PRELID2: variants seen among roughly 807,000 people sequenced by gnomAD.
PRELID2 encodes PRELI domain containing 2.
PRELID2 carries 25 observed loss-of-function variants against 28.4 expected under a neutral mutation model. That is an observed-to-expected ratio of 0.88 (90% CI 0.64 to 1.23). The LOEUF (loss-of-function observed/expected upper bound fraction) is 1.23, where lower values mean the gene tolerates loss of function less well. Among genes scored for constraint, PRELID2 ranks in the 50% most tolerant of loss-of-function variants. PRELID2 has a pLI of 0.00. For missense variants in PRELID2, 201 were observed against 214.4 expected (o/e 0.94, Z 0.39); for synonymous variants, 76 against 71.6 (o/e 1.06, Z -0.31).
intron 1 of PRELID2, among the ~76,000 whole-genome samples, chr5:145,577,284 T>C (rs1418390071): frequency 6.6e-6 from 1 of 152,108 alleles, no homozygotes; most frequent in African/African-American, 2.4e-5. Flanking sequence ...ATGAACTACC[T>C]AGCAAATAAT....
rs1029182832 is a variant in PRELID2 at position 145,615,451 on chromosome 5, C to T, written n.71-142136G>A. On this transcript the variant is annotated intron_variant and non_coding_transcript_variant, in intron 1 of 2. Transcript: ENST00000510259. ...ACGCCATTCTCCTGCCTCAGCCTCC[C>T]GAGTAGCTGGGACTACAGGTGCCCG... 3.2e-4 allele frequency among the ~76,000 whole-genome samples: 45 copies of T among 142,042 alleles called. 5 individuals carry two copies. Among genetic ancestry groups the T allele is most frequent in the Non-Finnish European group, 5.1e-4 (34 of 66,956 alleles). 93.2% of individuals were successfully genotyped at this position (142,042 alleles called of 152,430 possible).
At chr5:145,591,295 CA>C (rs879536286) in intron 1 of PRELID2, among the ~76,000 whole-genome samples, 1,668 of 94,418 alleles carry the variant, frequency 0.018, 24 homozygotes, top group African/African-American at 0.047. Context: ...GACTGTGTCT[CA>C]AAAAAAAAAA....
the PRELID2 span, among the ~76,000 whole-genome samples, chr5:145,408,141 A>T: frequency 2.6e-5 from 4 of 152,216 alleles, no homozygotes; most frequent in East Asian, 7.7e-4. Context: ...AGAAAAAAAA[A>T]TCTGAACCGC....
At chr5:145,537,056 A>G (rs995960079) in intron 1 of PRELID2, among the ~76,000 whole-genome samples, 3 of 151,964 alleles carry the variant, frequency 2.0e-5, no homozygotes, top group African/African-American at 7.2e-5. Context: ...TAAAAATTTT[A>G]AATCAACTAG....
chr5:145,594,933 G>A (rs1753281447), intron 1 of PRELID2, among the ~76,000 whole-genome samples: 1 of 152,004 alleles, frequency 6.6e-6, no homozygotes, highest in South Asian at 2.1e-4. Flanking sequence ...TTCAAGATCA[G>A]CCTGGCCAAC....
the PRELID2 span, among the ~76,000 whole-genome samples, chr5:145,464,368 G>T: frequency 1.3e-5 from 2 of 152,180 alleles, no homozygotes; most frequent in African/African-American, 4.8e-5. Context: ...TATGACAATA[G>T]AAAGTTAATT....
chr5:145,488,447 T>C (rs1294080329), intron 1 of PRELID2, among the ~76,000 whole-genome samples: 1 of 152,344 alleles, frequency 6.6e-6, no homozygotes, highest in East Asian at 1.9e-4. Flanking sequence ...GTCAATTTAC[T>C]GTTTTTGTTT....
At chr5:145,545,415 C>T (rs1752777908) in intron 1 of PRELID2, among the ~76,000 whole-genome samples, 1 of 150,656 alleles carries the variant, frequency 6.6e-6, no homozygotes, top group South Asian at 2.1e-4. Context: ...TACTTTTACA[C>T]TGAAGCAACC....
chr5:145,541,211 T>C (rs1350331623), intron 1 of PRELID2, among the ~76,000 whole-genome samples: 1 of 152,074 alleles, frequency 6.6e-6, no homozygotes, highest in Non-Finnish European at 1.5e-5. Context: ...AAAACAGGAA[T>C]AGCTAATATA....
chr5:145,297,843 A>C, the PRELID2 span, among the ~76,000 whole-genome samples: 1 of 151,990 alleles, frequency 6.6e-6, no homozygotes, highest in East Asian at 1.9e-4. Context: ...ACAGAGAGCC[A>C]AATCATGAGT....
chr5:145,442,947 C>T, the PRELID2 span, among the ~76,000 whole-genome samples: 4 of 151,934 alleles, frequency 2.6e-5, no homozygotes, highest in Non-Finnish European at 2.9e-5. Flanking sequence ...CTAGAAGAGC[C>T]GTGGCAAGAT....
the PRELID2 span, among the ~76,000 whole-genome samples, chr5:145,292,207 G>A: frequency 7.2e-5 from 11 of 152,084 alleles, no homozygotes; most frequent in South Asian, 2.1e-4. Flanking sequence ...ACTCCCTTTC[G>A]AGTCACAGAC....
At chr5:145,442,904 T>C in the PRELID2 span, among the ~76,000 whole-genome samples, 4 of 151,982 alleles carry the variant, frequency 2.6e-5, no homozygotes, top group Admixed American at 1.3e-4. Context: ...CCAGAAATTC[T>C]CAGAAGGGAT....
chr5:145,641,002 C>T (rs1754098294), intron 1 of PRELID2, among the ~76,000 whole-genome samples: 1 of 151,954 alleles, frequency 6.6e-6, no homozygotes, highest in Admixed American at 6.6e-5. Context: ...TTATACCAGG[C>T]CCTAGTGGGT....
intron 5 of PRELID2, among the ~76,000 whole-genome samples, chr5:145,768,653 C>T (rs1218821872): frequency 6.6e-6 from 1 of 152,218 alleles, no homozygotes; most frequent in East Asian, 1.9e-4. Flanking sequence ...GAAAAGCACA[C>T]TCCTTCCCTA....
the PRELID2 span, among the ~76,000 whole-genome samples, chr5:145,371,288 A>G: frequency 1.1e-4 from 17 of 152,242 alleles, no homozygotes; most frequent in South Asian, 4.1e-4. Context: ...AATGTCTTCC[A>G]TTAATACCTA....
rs750693292 is a variant in PRELID2, at chr5:145,710,705, A to C, written n.70+54226T>G. The stretch of plus-strand genomic sequence containing the variant: ...CTACAAGAGTGACACTCTTAACATC[A>C]CTGCCTGGTCCAAAATGTCGCTGAG... On this transcript the variant is annotated intron_variant and non_coding_transcript_variant, in intron 1 of 2. Coordinates refer to the PRELID2 transcript ENST00000510259. Among the ~76,000 whole-genome samples the C allele has an allele frequency of 3.3e-5, 5 of 152,310 alleles. No individual in the cohort carries two copies. The East Asian group carries it at 9.6e-4, about 29-fold the overall frequency.
chr5:145,345,030 A>G, the PRELID2 span, among the ~76,000 whole-genome samples: 3 of 152,204 alleles, frequency 2.0e-5, no homozygotes, highest in East Asian at 1.9e-4. Context: ...TTTTTACCTG[A>G]TAAAAACTAT....
At chr5:145,574,054 C>T (rs1407536549) in intron 1 of PRELID2, among the ~76,000 whole-genome samples, 6 of 152,096 alleles carry the variant, frequency 3.9e-5, no homozygotes, top group African/African-American at 9.7e-5. Context: ...CCTTAAAATA[C>T]GAAGATTCTC....
Sources: allele counts gnomAD v4.1 joint callset (sites outside exome capture counted in the v4.1 genomes callset), GRCh38; gene constraint gnomAD v4.1.1; transcripts MANE v1.5; gene names NCBI Gene and HGNC (gene_info 2026-07-23, HGNC 2026-07-21).